Variants in WWC2 observed in about 807,000 individuals in gnomAD.
WWC2 encodes the protein WW and C2 domain containing 2, also known as protein WWC2.
WWC2 carries 101 observed loss-of-function variants against 138.5 expected under a neutral mutation model. The observed-to-expected ratio is 0.73, with a 90% CI of 0.62 to 0.86. The LOEUF (loss-of-function observed/expected upper bound fraction) is 0.86, where lower values mean the gene tolerates loss of function less well. Ranked by LOEUF, WWC2 falls within the 40% of genes least tolerant of loss-of-function variation. The pLI is 0.00. For missense variants in WWC2, 1,420 were observed against 1,419.4 expected (o/e 1.00, Z -0.01); for synonymous variants, 558 against 538.4 (o/e 1.04, Z -0.50).
intron 1 of WWC2, among the ~76,000 whole-genome samples, chr4:183,190,299 T>G (rs919105772): frequency 1.3e-5 from 2 of 152,224 alleles, no homozygotes; most frequent in Non-Finnish European, 2.9e-5. Flanking sequence ...AGGAAGAAAT[T>G]TAAAAGTTAA....
chr4:183,178,413 T>A (rs895055468), intron 1 of WWC2, among the ~76,000 whole-genome samples: 22 of 148,758 alleles, frequency 1.5e-4, no homozygotes, highest in Non-Finnish European at 1.5e-5. Flanking sequence ...AATAAATAAA[T>A]AAATAAATTT....
At chr4:183,121,524 C>G (rs1471111576) in intron 1 of WWC2, among the ~76,000 whole-genome samples, 3 of 152,024 alleles carry the variant, frequency 2.0e-5, no homozygotes, top group African/African-American at 4.8e-5. Flanking sequence ...TAGGGATACT[C>G]AATCTAATAG....
chr4:183,184,706 G>T (rs1407900008), intron 1 of WWC2, among the ~76,000 whole-genome samples: 1 of 151,956 alleles, frequency 6.6e-6, no homozygotes, highest in African/African-American at 2.4e-5. Context: ...GCTTCACTGT[G>T]GTTTTGATTT....
intron 19 of WWC2, among the ~76,000 whole-genome samples, chr4:183,285,438 A>T (rs1269320098): frequency 1.3e-5 from 2 of 152,222 alleles, no homozygotes; most frequent in Non-Finnish European, 2.9e-5. Flanking sequence ...TAAACATATG[A>T]TTTTTAATAG....
rs778954404 is a variant in WWC2 at position 183,271,181 on chromosome 4, T to A, written c.2502T>A (p.Asn834Lys). The A allele has an allele frequency of 3.7e-6, 6 of 1,613,060 alleles. No homozygotes were observed. The African/African-American group carries it at 4.0e-5, about 11-fold the overall frequency. The change falls in exon 16 of 23, where the codon AAT (asparagine) becomes AAA (lysine). Residue 834 changes from asparagine (N) to lysine (K), a missense_variant. Physicochemically the swap from Asn to Lys is moderately conservative, Grantham distance 94 (BLOSUM62 0). Coordinates refer to ENST00000403733, the MANE Select transcript of WWC2 (RefSeq NM_024949.6). ...LPSKQMPCKK[N>K]EENEDSVFQP... ...CCAAGCAAATGCCTTGCAAAAAGAA[T>A]GAAGAAAATGAGGACTCTGTATTTC... is the stretch of plus-strand genomic sequence containing the variant.
At chr4:183,243,494 A>AC (rs1441355267) in intron 5 of WWC2, among the ~76,000 whole-genome samples, 4 of 152,194 alleles carry the variant, frequency 2.6e-5, no homozygotes, top group Non-Finnish European at 5.9e-5. Context: ...TTCCATTGAT[A>AC]AATCTCTTCC....
chr4:183,163,965 C>A (rs1239148008), intron 1 of WWC2, among the ~76,000 whole-genome samples: 1 of 151,962 alleles, frequency 6.6e-6, no homozygotes, highest in Non-Finnish European at 1.5e-5. Flanking sequence ...TTCCTATGGA[C>A]AATTGAGTCA....
intron 1 of WWC2, among the ~76,000 whole-genome samples, chr4:183,189,576 C>G (rs772101227): frequency 6.6e-6 from 1 of 152,178 alleles, no homozygotes; most frequent in Admixed American, 6.5e-5. Context: ...TACTTCCTCC[C>G]TGTTCTCTTA....
chr4:183,218,486 G>T (rs1401897702), intron 4 of WWC2, among the ~76,000 whole-genome samples: 1 of 152,130 alleles, frequency 6.6e-6, no homozygotes, highest in Admixed American at 6.5e-5. Context: ...TTAACTTTTT[G>T]ATATATATCT....
intron 1 of WWC2, among the ~76,000 whole-genome samples, chr4:183,116,535 A>G (rs1732414965): frequency 6.6e-6 from 1 of 152,244 alleles, no homozygotes; most frequent in Non-Finnish European, 1.5e-5. Context: ...TCTGACTTCC[A>G]AGCTGTACAT....
intron 1 of WWC2, among the ~76,000 whole-genome samples, chr4:183,169,370 G>A (rs940419172): frequency 2.6e-5 from 4 of 152,108 alleles, no homozygotes; most frequent in Non-Finnish European, 4.4e-5. Flanking sequence ...CACATTTATC[G>A]AAGACTGGAA....
intron 21 of WWC2, among the ~76,000 whole-genome samples, chr4:183,297,263 A>C (rs1026515626): frequency 2.0e-5 from 3 of 151,694 alleles, no homozygotes; most frequent in Non-Finnish European, 4.4e-5. Context: ...GTGAGCCACC[A>C]CACCCAGCCT....
chr4:183,155,047 T>G (rs941785674), intron 1 of WWC2, among the ~76,000 whole-genome samples: 2 of 152,038 alleles, frequency 1.3e-5, no homozygotes, highest in African/African-American at 2.4e-5. Flanking sequence ...ATAAAAACAA[T>G]GAGAGGAAGG....
At chr4:183,174,364 T>C (rs1462791643) in intron 1 of WWC2, among the ~76,000 whole-genome samples, 1 of 152,192 alleles carries the variant, frequency 6.6e-6, no homozygotes, top group Admixed American at 6.5e-5. Flanking sequence ...CCTGAGCCGT[T>C]TCAGGCTTTT....
At position 183,208,038 on chromosome 4, in the gene WWC2, T is replaced by A. The variant is rs747633452; in HGVS notation, c.327T>A (p.Asp109Glu). 6.2e-6 allele frequency: 10 copies of A among 1,613,726 alleles called. No homozygotes were observed. The South Asian group carries it at 1.1e-4, about 18-fold the overall frequency. The change falls in exon 3 of 23, where the codon GAT (aspartate) becomes GAA (glutamate). Residue 109 changes from aspartate (D) to glutamate (E), a missense_variant. By Grantham distance (45) the Asp-to-Glu change is conservative (BLOSUM62 2). Coordinates refer to ENST00000403733, the MANE Select transcript of WWC2 (RefSeq NM_024949.6). ...AGGACTACCTCTCTGTGGCACAGGA[T>A]GCCCTCCGGACACAGAAGGAACTGT... ...MLKDYLSVAQDALRTQKELYH... is the reference protein window; with the variant it reads ...MLKDYLSVAQEALRTQKELYH...
chr4:183,312,033 A>G (rs766537597), intron 21 of WWC2, among the ~76,000 whole-genome samples: 6 of 152,260 alleles, frequency 3.9e-5, no homozygotes, highest in Admixed American at 3.3e-4. Context: ...CAGTGCTATG[A>G]GTAATTTTCC....
chr4:183,194,804 T>A (rs1381162015), intron 2 of WWC2, among the ~76,000 whole-genome samples: 2 of 152,190 alleles, frequency 1.3e-5, no homozygotes, highest in East Asian at 3.8e-4. Context: ...AGTGATCTGT[T>A]TCAGTAGAAC....
chr4:183,153,046 A>G (rs1366686650), intron 1 of WWC2, among the ~76,000 whole-genome samples: 2 of 151,964 alleles, frequency 1.3e-5, no homozygotes, highest in African/African-American at 4.8e-5. Flanking sequence ...TAGGTACATC[A>G]CACTACACCC....
chr4:183,187,883 A>G (rs1351675711), intron 1 of WWC2, among the ~76,000 whole-genome samples: 2 of 152,098 alleles, frequency 1.3e-5, no homozygotes, highest in East Asian at 1.9e-4. Context: ...CAATAAATAA[A>G]TACATAAAAA....
Sources: gnomAD v4.1 joint callset for allele counts (sites outside exome capture counted in the v4.1 genomes callset) on GRCh38, gnomAD v4.1.1 for gene constraint, MANE v1.5 for transcripts, NCBI Gene and HGNC (gene_info 2026-07-23, HGNC 2026-07-21) for gene names.